UBR2: variants seen among roughly 807,000 people sequenced by gnomAD.
UBR2 encodes the protein ubiquitin protein ligase E3 component n-recognin 2.
A neutral mutation model predicts 247.9 loss-of-function variants in UBR2; 92 were observed. The observed-to-expected ratio is 0.37, with a 90% CI of 0.31 to 0.44. UBR2 has a LOEUF of 0.44. UBR2 is among the 20% of genes least tolerant of loss of function. The probability of loss-of-function intolerance (pLI) is 1.00; values close to 1 mark genes in which losing one functional copy is unlikely to be tolerated. For synonymous variants in UBR2, 672 were observed against 693.5 expected, an observed-to-expected ratio of 0.97 and a Z score of 0.49; for missense variants, 1,613 against 2,112.6, an observed-to-expected ratio of 0.76 and a Z score of 4.64.
chr6:42,614,428 ATATGTATG>A (rs1331250455), intron 8 of UBR2, among the ~76,000 whole-genome samples: 60 of 143,668 alleles, frequency 4.2e-4, no homozygotes, highest in Non-Finnish European at 5.8e-4. Flanking sequence ...ACGTACATAT[ATATGTATG>A]TACGTACATA....
intron 18 of UBR2, 81 bp downstream of exon 18, chr6:42,642,562 G>T (rs1048670108): frequency 1.7e-6 from 2 of 1,204,400 alleles, no homozygotes; most frequent in Non-Finnish European, 2.4e-6. Context: ...AGTCACTTGT[G>T]ATCACTCCCA....
chr6:42,673,073 A>C (rs1476958961), intron 36 of UBR2, among the ~76,000 whole-genome samples: 2 of 152,182 alleles, frequency 1.3e-5, no homozygotes, highest in Non-Finnish European at 2.9e-5. Context: ...TGTATTCTTT[A>C]AATCAAGAGT....
At chr6:42,638,704 G>A (rs1409140269) in intron 15 of UBR2, among the ~76,000 whole-genome samples, 1 of 152,028 alleles carries the variant, frequency 6.6e-6, no homozygotes, top group Non-Finnish European at 1.5e-5. Flanking sequence ...AGGCATGCGT[G>A]TGGAAGTAGC....
intron 18 of UBR2, among the ~76,000 whole-genome samples, 190 bp downstream of exon 18, chr6:42,642,671 T>C (rs1178556557): frequency 4.6e-5 from 7 of 152,162 alleles, no homozygotes; most frequent in Non-Finnish European, 1.0e-4. Context: ...ACACACTTCA[T>C]ATTAAACGTA....
chr6:42,687,493 AGAGAGG>A (rs1333289116), intron 44 of UBR2, among the ~76,000 whole-genome samples: 4 of 152,070 alleles, frequency 2.6e-5, no homozygotes, highest in South Asian at 4.1e-4. Context: ...GAGGGAGAGA[AGAGAGG>A]GAGAGGGAGA....
intron 13 of UBR2, among the ~76,000 whole-genome samples, chr6:42,633,974 G>A (rs191354123): frequency 7.3e-4 from 110 of 151,564 alleles, no homozygotes; most frequent in African/African-American, 2.5e-3. Flanking sequence ...CAAGTGATCC[G>A]CCCACCTCGG....
chr6:42,617,995 T>C (rs1372035461), intron 11 of UBR2, among the ~76,000 whole-genome samples: 1 of 152,234 alleles, frequency 6.6e-6, no homozygotes, highest in African/African-American at 2.4e-5. Context: ...TCGTTATGTT[T>C]TAACGCTATA....
At position 42,564,039 on chromosome 6, in the gene UBR2, G is replaced by C. The variant is rs1391820076; in HGVS notation, c.-281G>C. On this transcript the variant is annotated 5_prime_UTR_variant, in exon 1 of 47. Coordinates refer to ENST00000372901, the MANE Select transcript of UBR2 (RefSeq NM_001363705.2). ...CTGGTGCAGGACGCGGTAGTGGCCA[G>C]CGAGAGTGTCAGGCCTGGGGTTTTC... 8 of 482,592 alleles carry C rather than the reference G, an allele frequency of 1.7e-5. No homozygotes were observed. Among genetic ancestry groups the C allele is most frequent in the Admixed American group, 1.3e-4 (3 of 23,804 alleles). The allele number at this position is 482,592 out of a possible 1,614,324, so 29.9% of individuals were successfully genotyped here.
chr6:42,674,971 A>G (rs988689421), intron 38 of UBR2, among the ~76,000 whole-genome samples: 1 of 151,996 alleles, frequency 6.6e-6, no homozygotes, highest in Non-Finnish European at 1.5e-5. Context: ...TTTCAGCCCT[A>G]CCTCAACTGG....
At chr6:42,612,324 T>C in intron 8 of UBR2, 33 bp downstream of exon 8, 5 of 1,468,126 alleles carry the variant, frequency 3.4e-6, no homozygotes, top group Non-Finnish European at 4.6e-6. Flanking sequence ...CAATTGTCTA[T>C]TAAAAATGAG....
intron 42 of UBR2, 37 bp from the exon 43 acceptor site, chr6:42,683,018 A>AGT: frequency 7.9e-6 from 12 of 1,519,094 alleles, no homozygotes; most frequent in Non-Finnish European, 1.1e-5. Flanking sequence ...ACCCTTTAAA[A>AGT]GTGTTTTGTG....
intron 13 of UBR2, chr6:42,634,127 G>C: frequency 5.9e-6 from 1 of 169,948 alleles, no homozygotes; most frequent in African/African-American, 2.4e-5. Flanking sequence ...CAAGTTATTT[G>C]AGAAACTGTA....
At chr6:42,617,121 C>T in intron 10 of UBR2, 3 of 789,918 alleles carry the variant, frequency 3.8e-6, no homozygotes, top group Non-Finnish European at 6.4e-6. Flanking sequence ...GAAATCATTC[C>T]AGTTATTGTT....
intron 4 of UBR2, among the ~76,000 whole-genome samples, chr6:42,596,108 C>A (rs1792957553): frequency 6.8e-6 from 1 of 147,864 alleles, no homozygotes; most frequent in African/African-American, 2.5e-5. Flanking sequence ...ATATCCAAGC[C>A]ATGTATCCAA....
At chr6:42,666,066 A>G (rs1798090135) in intron 33 of UBR2, 101 bp from the exon 34 acceptor site, 1 of 962,434 alleles carries the variant, frequency 1.0e-6, no homozygotes, top group Admixed American at 2.7e-5. Flanking sequence ...TTTATTAGGG[A>G]ATTTTTTTCC....
intron 16 of UBR2, among the ~76,000 whole-genome samples, chr6:42,640,990 A>G (rs914041745): frequency 6.6e-5 from 10 of 151,910 alleles, no homozygotes; most frequent in Admixed American, 2.6e-4. Context: ...CAGCCTCCCA[A>G]AGTGCTGAGA....
chr6:42,602,982 A>G (rs1793482624), intron 4 of UBR2, among the ~76,000 whole-genome samples: 1 of 152,172 alleles, frequency 6.6e-6, no homozygotes, highest in Non-Finnish European at 1.5e-5. Flanking sequence ...GCATAAAGTA[A>G]TACTTTTTTA....
chr6:42,600,844 A>G (rs1002719379), intron 4 of UBR2, among the ~76,000 whole-genome samples: 1 of 151,904 alleles, frequency 6.6e-6, no homozygotes, highest in African/African-American at 2.4e-5. Flanking sequence ...TCTTGTAGAG[A>G]TGAGGTCTCA....
intron 22 of UBR2, among the ~76,000 whole-genome samples, chr6:42,650,042 C>T (rs1446225832): frequency 6.6e-6 from 1 of 152,234 alleles, no homozygotes; most frequent in Non-Finnish European, 1.5e-5. Context: ...ATTGTTGCCA[C>T]TGCAGTGTCC....
Sources: allele counts gnomAD v4.1 joint callset (sites outside exome capture counted in the v4.1 genomes callset), GRCh38; gene constraint gnomAD v4.1.1; transcripts MANE v1.5; gene names NCBI Gene and HGNC (gene_info 2026-07-23, HGNC 2026-07-21).